The following SNX6 variants were observed in gnomAD, a reference collection of about 807,000 sequenced individuals.
SNX6 encodes sorting nexin-6.
Under a neutral mutation model 63.0 loss-of-function variants are expected in SNX6, and 34 were observed. That is an observed-to-expected ratio of 0.54 (90% CI 0.41 to 0.72). The LOEUF is 0.72. Ranked by LOEUF, SNX6 falls within the 30% of genes least tolerant of loss-of-function variation. The probability of loss-of-function intolerance (pLI) is 0.00; values close to 1 mark genes in which losing one functional copy is unlikely to be tolerated. For synonymous variants in SNX6, 170 were observed against 164.2 expected (o/e 1.04, Z -0.27); for missense variants, 398 against 471.4 (o/e 0.84, Z 1.44).
In SNX6 at chr14:34,563,056, CATT is replaced by C. The variant is rs565855677; in HGVS notation, c.*63_*65del. On this transcript the variant is annotated 3_prime_UTR_variant, in exon 14 of 14. Coordinates refer to ENST00000362031, the MANE Select transcript of SNX6 (RefSeq NM_152233.4). ...TCCAGTGAGCATAAATGCTTAACATCATTAAGAAAACAAAAATAAAATTTGAAG... is the reference window on the plus strand; with the variant it reads ...TCCAGTGAGCATAAATGCTTAACATCAAGAAAACAAAAATAAAATTTGAAG... 5.7e-5 allele frequency: 85 copies of C among 1,497,866 alleles called. No homozygotes were observed. The African/African-American group carries it at 1.1e-3, about 19-fold the overall frequency. The allele number at this position is 1,497,866 out of a possible 1,614,324, so 92.8% of individuals were successfully genotyped here.
intron 2 of SNX6, among the ~76,000 whole-genome samples, chr14:34,623,136 A>G (rs1375847532): frequency 6.6e-6 from 1 of 152,212 alleles, no homozygotes; most frequent in Non-Finnish European, 1.5e-5. Context: ...CCAACATAAT[A>G]TATGTCACAT....
In SNX6 at chr14:34,575,177, G is replaced by GA. The variant is rs1881639816; in HGVS notation, c.921+578_921+579insT. ...AAGTGCTGATTAATTAGAGGCATGA[G>GA]CCACCACCCCTGGCCTCAATTTTTT... On this transcript the variant is annotated intron_variant, in intron 11 of 13. Coordinates refer to ENST00000362031, the MANE Select transcript of SNX6 (RefSeq NM_152233.4). Among the ~76,000 whole-genome samples the GA allele has an allele frequency of 2.1e-5, 3 of 142,142 alleles. No homozygotes were observed. In the Admixed American group the frequency reaches 2.2e-4, roughly 11 times the overall value. The allele number at this position is 142,142 out of a possible 152,430, so 93.3% of individuals were successfully genotyped here. A position where few individuals can be genotyped will look rare whatever the true frequency, so the allele number is the denominator to read the frequency against.
intron 2 of SNX6, among the ~76,000 whole-genome samples, chr14:34,614,257 T>C (rs1053182815): frequency 6.6e-6 from 1 of 151,252 alleles, no homozygotes; most frequent in Non-Finnish European, 1.5e-5. Flanking sequence ...CAAAACCCCA[T>C]CTCTAAAAAA....
chr14:34,615,206 C>T (rs544843949), intron 2 of SNX6, among the ~76,000 whole-genome samples: 2 of 152,040 alleles, frequency 1.3e-5, no homozygotes, highest in South Asian at 2.1e-4. Flanking sequence ...ATCCACTTAA[C>T]GGTTTTGGTC....
chr14:34,595,400 G>A (rs991233107), intron 7 of SNX6, among the ~76,000 whole-genome samples: 3 of 152,198 alleles, frequency 2.0e-5, no homozygotes, highest in Non-Finnish European at 4.4e-5. Flanking sequence ...GCCTCCCAAA[G>A]TGCTAGGATT....
chr14:34,580,172 C>T (rs1881879241), intron 10 of SNX6, among the ~76,000 whole-genome samples: 1 of 152,182 alleles, frequency 6.6e-6, no homozygotes, highest in Non-Finnish European at 1.5e-5. Flanking sequence ...GGTGAAAGAG[C>T]AAGACTCCGT....
chr14:34,598,805 C>A (rs151329983), intron 6 of SNX6, among the ~76,000 whole-genome samples: 2 of 152,090 alleles, frequency 1.3e-5, no homozygotes, highest in South Asian at 4.1e-4. Context: ...GATCATTTGA[C>A]GCCAGGAGTT....
intron 13 of SNX6, among the ~76,000 whole-genome samples, chr14:34,564,688 C>T (rs550541330): frequency 1.8e-4 from 27 of 151,870 alleles, no homozygotes; most frequent in East Asian, 1.2e-3. Context: ...ATTAGCTGGG[C>T]GTGGTGGTGT....
intron 6 of SNX6, among the ~76,000 whole-genome samples, chr14:34,600,068 C>T (rs558878446): frequency 4.2e-4 from 64 of 152,234 alleles, no homozygotes; most frequent in Non-Finnish European, 5.3e-4. Context: ...CATTCTGTTG[C>T]CTGGGACAGC....
chr14:34,594,185 A>C (rs978023636), intron 7 of SNX6, among the ~76,000 whole-genome samples: 39 of 152,130 alleles, frequency 2.6e-4, no homozygotes, highest in African/African-American at 9.2e-4. Context: ...TTGGCCTGTT[A>C]TACATTCTAC....
At position 34,605,736 on chromosome 14, in the gene SNX6, A is replaced by C. The variant is rs1158376599; in HGVS notation, c.271-19T>G. The C allele has an allele frequency of 6.3e-7, 1 of 1,583,054 alleles. No homozygotes were observed. Among genetic ancestry groups the C allele is most frequent in the African/African-American group, 1.4e-5 (1 of 72,556 alleles). Reference sequence around the variant, plus strand: ...GTGGAATCTGTAACAGGACCAAATGACTAATTTTAAGGAAATTTTCATTTC... The same window carrying C: ...GTGGAATCTGTAACAGGACCAAATGCCTAATTTTAAGGAAATTTTCATTTC... On this transcript the variant is annotated intron_variant, in intron 4 of 13. Coordinates refer to ENST00000362031, the MANE Select transcript of SNX6 (RefSeq NM_152233.4).
At chr14:34,603,290 A>T in intron 6 of SNX6, 58 bp downstream of exon 6, 1 of 1,537,024 alleles carries the variant, frequency 6.5e-7, no homozygotes. Flanking sequence ...CGTCTCAAAA[A>T]AAAAAAGAAG....
intron 13 of SNX6, among the ~76,000 whole-genome samples, chr14:34,563,867 TAGCTG>T (rs1340298244): frequency 6.6e-6 from 1 of 152,178 alleles, no homozygotes; most frequent in Non-Finnish European, 1.5e-5. Context: ...GCCTCCCCAG[TAGCTG>T]GGATTACAGG....
chr14:34,585,691 G>T (rs1288477391), intron 9 of SNX6, among the ~76,000 whole-genome samples: 1 of 152,008 alleles, frequency 6.6e-6, no homozygotes, highest in Non-Finnish European at 1.5e-5. Flanking sequence ...CGCCTCCCGG[G>T]TTCAAGTGAT....
chr14:34,620,761 C>T (rs938851327), intron 2 of SNX6, among the ~76,000 whole-genome samples: 5 of 151,878 alleles, frequency 3.3e-5, no homozygotes, highest in Non-Finnish European at 5.9e-5. Context: ...GGCAACATAG[C>T]GAAACCCTGT....
Position 34,629,951 on chromosome 14 carries a change from C to T in SNX6, c.10G>A (p.Gly4Ser). ...AGGAAGTCCGGGCCGTCGTCCAGGC[C>T]TTCCTGTGGGGTCGGCGGGCACGGC... MME[G>S]LDDGPDFLSE... Residue 4 changes from glycine (G) to serine (S), a missense_variant, in exon 2 of 14, where the codon GGC (glycine) becomes AGC (serine). Physicochemically the swap from Gly to Ser is moderately conservative, Grantham distance 56. Coordinates refer to ENST00000362031, the MANE Select transcript of SNX6 (RefSeq NM_152233.4). 1 of 1,543,954 alleles carries T rather than the reference C, an allele frequency of 6.5e-7. No individual in the cohort carries two copies. Among genetic ancestry groups the T allele is most frequent in the Non-Finnish European group, 8.7e-7 (1 of 1,147,146 alleles).
intron 2 of SNX6, among the ~76,000 whole-genome samples, chr14:34,616,041 C>T (rs151150029): frequency 0.01 from 1,578 of 152,270 alleles, 20 homozygotes; most frequent in South Asian, 0.029. Context: ...CTGCAATCTC[C>T]ACCTCCAGGG....
rs10129588 is a variant in SNX6 at position 34,574,590 on chromosome 14, C to G, written c.921+1166G>C. Among the ~76,000 whole-genome samples, 453 of 127,086 alleles carry G rather than the reference C, an allele frequency of 3.6e-3. 2 individuals are homozygous for G. The highest frequency in any genetic ancestry group is 0.013 in the African/African-American group (441 of 34,190). 83.4% of individuals were successfully genotyped at this position (127,086 alleles called of 152,430 possible). A position where few individuals can be genotyped will look rare whatever the true frequency, so the allele number is the denominator to read the frequency against. On this transcript the variant is annotated intron_variant, in intron 11 of 13. Transcript: ENST00000362031. ...GCTTGAACCCAGAAGGAAGAGGTTACAGTTGGGTGACAGAGTGAGACTCCA... is the reference window on the plus strand; with the variant it reads ...GCTTGAACCCAGAAGGAAGAGGTTAGAGTTGGGTGACAGAGTGAGACTCCA...
chr14:34,611,493 A>G (rs1034258508), intron 2 of SNX6, among the ~76,000 whole-genome samples: 106 of 150,698 alleles, frequency 7.0e-4, no homozygotes, highest in East Asian at 4.0e-3. Flanking sequence ...AAAAAAAAAA[A>G]GGGGGGGAGG....
Sources: gnomAD v4.1 joint callset for allele counts (sites outside exome capture counted in the v4.1 genomes callset) on GRCh38, gnomAD v4.1.1 for gene constraint, MANE v1.5 for transcripts, NCBI Gene and HGNC (gene_info 2026-07-23, HGNC 2026-07-21) for gene names.